Variants in NEURL4 observed in about 807,000 individuals in gnomAD.
NEURL4 encodes neuralized E3 ubiquitin protein ligase 4, also known as neuralized-like protein 4.
A neutral mutation model predicts 148.0 loss-of-function variants in NEURL4; 45 were observed. The observed-to-expected ratio is 0.30, with a 90% CI of 0.24 to 0.39. The LOEUF is 0.39. NEURL4 is among the 10% of genes least tolerant of loss of function. NEURL4 has a pLI of 1.00. For synonymous variants in NEURL4, 854 were observed against 869.0 expected (o/e 0.98, Z 0.30); for missense variants, 1,776 against 2,144.0 (o/e 0.83, Z 3.39).
chr17:7,327,067 C>G lies in NEURL4; in HGVS notation c.794-58G>C, dbSNP rs371354550. 125 of 1,600,178 alleles carry G rather than the reference C, an allele frequency of 7.8e-5. 1 individual carries two copies. The South Asian group carries it at 1.2e-3, about 16-fold the overall frequency. ...AAGTTGGGATGAGGCTCTACACCCCCAGACCTGGTGCCTCTCTCCCTACCC... is the reference window on the plus strand; with the variant it reads ...AAGTTGGGATGAGGCTCTACACCCCGAGACCTGGTGCCTCTCTCCCTACCC... On this transcript the variant is annotated intron_variant, in intron 3 of 28. Transcript: ENST00000399464. The surrounding 1 kb of genome is among the most constrained non-coding windows in gnomAD (Gnocchi z 6.6).
At chr17:7,320,173 C>T (rs2073011520) in intron 21 of NEURL4, among the ~76,000 whole-genome samples, 1 of 151,444 alleles carries the variant, frequency 6.6e-6, no homozygotes, top group African/African-American at 2.4e-5. Flanking sequence ...TGCTCTATCT[C>T]CCAGGCTAGA....
chr17:7,324,069 C>G lies in NEURL4; in HGVS notation c.2062+39G>C, dbSNP rs751508453. On this transcript the variant is annotated intron_variant, in intron 11 of 28. Coordinates refer to ENST00000399464, the MANE Select transcript of NEURL4 (RefSeq NM_032442.3). The surrounding 1 kb of genome is among the most constrained non-coding windows in gnomAD (Gnocchi z 5.9). ...TAGGTGTCTCTCAGACCTCCCAAGG[C>G]CACCCTAACCCCCAGCCCCAGCCCA... 1.9e-6 allele frequency: 3 copies of G among 1,609,486 alleles called. No individual in the cohort carries two copies. Among genetic ancestry groups the G allele is most frequent in the Non-Finnish European group, 2.5e-6 (3 of 1,179,472 alleles).
In NEURL4 at chr17:7,316,290, G is replaced by C; in HGVS notation, c.4522C>G (p.Gln1508Glu). The change falls in exon 29 of 29, where the codon CAG becomes GAG. Residue 1508 changes from glutamine (Q) to glutamate (E), a missense_variant. Physicochemically the swap from Gln to Glu is conservative, Grantham distance 29. Transcript: ENST00000399464. ...CGCACACACACCTGGAACGCCACCT[G>C]AGCCTGGTGCGTCCGCTGGGATTTG... is the stretch of plus-strand genomic sequence containing the variant. The part of the protein sequence containing the change: ...DPKSQRTHQA[Q>E]VAFQVCVRPG... 6.2e-7 allele frequency: 1 copy of C among 1,613,242 alleles called. No homozygotes were observed. The highest frequency in any genetic ancestry group is 8.5e-7 in the Non-Finnish European group (1 of 1,180,014).
Position 7,322,094 on chromosome 17 carries a change from A to G in NEURL4, c.2726-84T>C. ...ACACAGAGCAAAGCTTTCAGATGAA[A>G]CGAAATGGGGATGCCAACGCCCCAT... On this transcript the variant is annotated intron_variant, in intron 16 of 28. Coordinates refer to ENST00000399464, the MANE Select transcript of NEURL4 (RefSeq NM_032442.3). The surrounding 1 kb of genome is among the most constrained non-coding windows in gnomAD (Gnocchi z 5.5). The G allele has an allele frequency of 3.4e-6, 5 of 1,478,714 alleles. No homozygotes were observed. Among genetic ancestry groups the G allele is most frequent in the Non-Finnish European group, 4.5e-6 (5 of 1,109,382 alleles). The allele number at this position is 1,478,714 out of a possible 1,614,324, so 91.6% of individuals were successfully genotyped here. A position where few individuals can be genotyped will look rare whatever the true frequency, so the allele number is the denominator to read the frequency against.
chr17:7,319,374 CTTTT>C (rs374281551), intron 21 of NEURL4, among the ~76,000 whole-genome samples, 166 bp from the exon 22 acceptor site: 3,490 of 113,426 alleles, frequency 0.031, 67 homozygotes, highest in Admixed American at 0.048. Context: ...TTCTTTCCCT[CTTTT>C]TTTTTTTTTT....
In NEURL4 at chr17:7,318,850, A is replaced by G; in HGVS notation, c.3685-176T>C. 1.1e-6 allele frequency: 1 copy of G among 911,152 alleles called. No homozygotes were observed. Among genetic ancestry groups the G allele is most frequent in the Non-Finnish European group, 1.6e-6 (1 of 613,396 alleles). The allele number at this position is 911,152 out of a possible 1,614,324, so 56.4% of individuals were successfully genotyped here. ...CCCTCCCCTTCCCCAAAACTGGCAC[A>G]TTCTCAATGGCAGGGACACCGCAGG... On this transcript the variant is annotated intron_variant, in intron 22 of 28. Coordinates refer to ENST00000399464, the MANE Select transcript of NEURL4 (RefSeq NM_032442.3). This position sits in a 1 kb window ranked among gnomAD's most constrained non-coding sequence, Gnocchi z 4.3.
rs777771840 is a variant in NEURL4, at chr17:7,326,731, G to A, written c.1072C>T (p.Arg358Trp). ...CACACCTCAAACATCTCATTGTCCCGAAGGGGGCGATTGGTCATGACAACC... is the reference window on the plus strand; with the variant it reads ...CACACCTCAAACATCTCATTGTCCCAAAGGGGGCGATTGGTCATGACAACC... ...NGVVMTNRPL[R>W]DNEMFEIRID... Residue 358 changes from arginine (R) to tryptophan (W), a missense_variant, in exon 4 of 29, where the codon CGG (arginine) becomes TGG (tryptophan). Coordinates refer to ENST00000399464, the MANE Select transcript of NEURL4 (RefSeq NM_032442.3). This position sits in a 1 kb window ranked among gnomAD's most constrained non-coding sequence, Gnocchi z 6.0. The A allele has an allele frequency of 5.6e-6, 9 of 1,611,398 alleles. No individual in the cohort carries two copies. The highest frequency in any genetic ancestry group is 1.7e-5 in the Admixed American group (1 of 59,128).
rs2072987155 is a variant in NEURL4, at chr17:7,318,768, T to A, written c.3685-94A>T. The stretch of plus-strand genomic sequence containing the variant: ...TGCTTCCTTTTGCCAGTGCCTTGGC[T>A]TTGCCTCCATGCTTGCCCACTGCCG... On this transcript the variant is annotated intron_variant, in intron 22 of 28. Transcript: ENST00000399464. This position sits in a 1 kb window ranked among gnomAD's most constrained non-coding sequence, Gnocchi z 4.3. 2 of 1,363,366 alleles carry A rather than the reference T, an allele frequency of 1.5e-6. No individual in the cohort carries two copies. Among genetic ancestry groups the A allele is most frequent in the Admixed American group, 2.4e-5 (1 of 41,618 alleles). The allele number at this position is 1,363,366 out of a possible 1,614,324, so 84.5% of individuals were successfully genotyped here.
Position 7,323,875 on chromosome 17 carries a change from G to T in NEURL4, c.2200C>A (p.Arg734Ser). 1 of 1,613,978 alleles carries T rather than the reference G, an allele frequency of 6.2e-7. No homozygotes were observed. The highest frequency in any genetic ancestry group is 8.5e-7 in the Non-Finnish European group (1 of 1,180,032). ...GSNAVITNGG[R>S]TALRHNCRSE... ...CGACAGTTGTGGCGGAGGGCGGTGC[G>T]GCCCCCGTTAGTGATGACTGCGTTA... Residue 734 changes from arginine to serine, a missense_variant, in exon 12 of 29, where the codon CGC becomes AGC. By Grantham distance (110) the Arg-to-Ser change is moderately radical. Coordinates refer to ENST00000399464, the MANE Select transcript of NEURL4 (RefSeq NM_032442.3).
Position 7,321,059 on chromosome 17 carries a change from G to A in NEURL4, c.3360+53C>T, listed in dbSNP as rs2073025887. On this transcript the variant is annotated intron_variant, in intron 20 of 28. Transcript: ENST00000399464. The surrounding 1 kb of genome is among the most constrained non-coding windows in gnomAD (Gnocchi z 6.3). Reference sequence around the variant, plus strand: ...ACCCAGAAAAGGCCTGGCATCCAACGGCCCAGCAACTGCCCATCCATGTGC... The same window carrying A: ...ACCCAGAAAAGGCCTGGCATCCAACAGCCCAGCAACTGCCCATCCATGTGC... 8 of 1,598,748 alleles carry A rather than the reference G, an allele frequency of 5.0e-6. No homozygotes were observed. The highest frequency in any genetic ancestry group is 6.8e-6 in the Non-Finnish European group (8 of 1,170,426).
chr17:7,327,273 C>T lies in NEURL4; in HGVS notation c.728-43G>A. 1 of 1,550,826 alleles carries T rather than the reference C, an allele frequency of 6.4e-7. No homozygotes were observed. The highest frequency in any genetic ancestry group is 8.7e-7 in the Non-Finnish European group (1 of 1,148,922). ...TGGGAGGGGAATAAGGGTTCAGTCC[C>T]TGCTTCACGGCCCATAGCCAGGAGA... On this transcript the variant is annotated intron_variant, in intron 2 of 28. Transcript: ENST00000399464. This position sits in a 1 kb window ranked among gnomAD's most constrained non-coding sequence, Gnocchi z 6.6.
chr17:7,324,710 GA>G lies in NEURL4; in HGVS notation c.1813+88del. On this transcript the variant is annotated intron_variant, in intron 9 of 28. Transcript: ENST00000399464. The surrounding 1 kb of genome is among the most constrained non-coding windows in gnomAD (Gnocchi z 5.9). ...ATGAGTGGTCACAAGAGTGACAAGT[GA>G]AAAAGGAGCTGCAGAACAAGTGCCA... 7 of 1,429,786 alleles carry G rather than the reference GA, an allele frequency of 4.9e-6. No homozygotes were observed. The highest frequency in any genetic ancestry group is 1.4e-5 in the African/African-American group (1 of 71,406). The allele number at this position is 1,429,786 out of a possible 1,614,324, so 88.6% of individuals were successfully genotyped here.
rs186032429 is a variant in NEURL4 at position 7,317,150 on chromosome 17, G to C, written c.4484+55C>G. ...CATGAAGACCCCAGTGGCTGCGCTT[G>C]GGCCCTCTCCATCCGAGCCCCTGGA... On this transcript the variant is annotated intron_variant, in intron 28 of 28. Coordinates refer to ENST00000399464, the MANE Select transcript of NEURL4 (RefSeq NM_032442.3). 8.7e-3 allele frequency: 11,584 copies of C among 1,330,174 alleles called. 76 individuals carry two copies. Among genetic ancestry groups the C allele is most frequent in the Non-Finnish European group, 0.011 (10,457 of 995,442 alleles). 82.4% of individuals were successfully genotyped at this position (1,330,174 alleles called of 1,614,324 possible).
In NEURL4 at chr17:7,321,729, G is replaced by C. The variant is rs2073036996; in HGVS notation, c.2930C>G (p.Thr977Arg). The change falls in exon 18 of 29, where the codon ACA becomes AGA. Residue 977 changes from threonine (T) to arginine (R), a missense_variant. Coordinates refer to ENST00000399464, the MANE Select transcript of NEURL4 (RefSeq NM_032442.3). The surrounding 1 kb of genome is among the most constrained non-coding windows in gnomAD (Gnocchi z 6.3). ...GGGTCCCATCTCCCCCGGTGCTAGTGTGGTCAGCCCCAGCCGCAGGGAACC... is the reference window on the plus strand; with the variant it reads ...GGGTCCCATCTCCCCCGGTGCTAGTCTGGTCAGCCCCAGCCGCAGGGAACC... ...WAGSLRLGLT[T>R]LAPGEMGPGA... 4 of 1,613,566 alleles carry C rather than the reference G, an allele frequency of 2.5e-6. No homozygotes were observed. Among genetic ancestry groups the C allele is most frequent in the Non-Finnish European group, 3.4e-6 (4 of 1,180,056 alleles).
In NEURL4 at chr17:7,326,360, A is replaced by C. The variant is rs1480602439; in HGVS notation, c.1205-17T>G. 1 of 1,613,968 alleles carries C rather than the reference A, an allele frequency of 6.2e-7. No individual in the cohort carries two copies. The highest frequency in any genetic ancestry group is 1.3e-5 in the African/African-American group (1 of 74,896). On this transcript the variant is annotated splice_polypyrimidine_tract_variant and intron_variant, in intron 5 of 28. Coordinates refer to ENST00000399464, the MANE Select transcript of NEURL4 (RefSeq NM_032442.3). The surrounding 1 kb of genome is among the most constrained non-coding windows in gnomAD (Gnocchi z 6.0). The stretch of plus-strand genomic sequence containing the variant: ...TGATGGTGCCTGGGTGATAGTGGAC[A>C]CTTGGGTTCGGGTACGGGGCTTCCT...
At position 7,318,557 on chromosome 17, in the gene NEURL4, C is replaced by T; in HGVS notation, c.3802G>A (p.Ala1268Thr). ...LHVNGVDQGV[A>T]VPDVPQPCHA... ...CAGGGCTGGGGCACATCTGGCACAG[C>T]TACCCCCTGGTCCACCCCATTAACA... Residue 1268 changes from alanine to threonine, a missense_variant, in exon 23 of 29, where the codon GCT becomes ACT. Physicochemically the swap from Ala to Thr is moderately conservative, Grantham distance 58. Coordinates refer to ENST00000399464, the MANE Select transcript of NEURL4 (RefSeq NM_032442.3). The surrounding 1 kb of genome is among the most constrained non-coding windows in gnomAD (Gnocchi z 4.3). The T allele has an allele frequency of 6.2e-7, 1 of 1,613,622 alleles. No individual in the cohort carries two copies. Among genetic ancestry groups the T allele is most frequent in the Non-Finnish European group, 8.5e-7 (1 of 1,179,782 alleles).
At position 7,321,720 on chromosome 17, in the gene NEURL4, G is replaced by A. The variant is rs371640445; in HGVS notation, c.2939C>T (p.Pro980Leu). The A allele has an allele frequency of 1.4e-5, 23 of 1,613,536 alleles. No individual in the cohort carries two copies. The highest frequency in any genetic ancestry group is 6.7e-5 in the Admixed American group (4 of 60,006). ...GCCTGCCCCGGGTCCCATCTCCCCCGGTGCTAGTGTGGTCAGCCCCAGCCG... is the reference window on the plus strand; with the variant it reads ...GCCTGCCCCGGGTCCCATCTCCCCCAGTGCTAGTGTGGTCAGCCCCAGCCG... ...SLRLGLTTLA[P>L]GEMGPGAGGG... Residue 980 changes from proline (P) to leucine (L), a missense_variant, in exon 18 of 29, where the codon CCG (proline) becomes CTG (leucine). Pro to Leu is a moderately conservative substitution (Grantham distance 98, BLOSUM62 -3). Coordinates refer to ENST00000399464, the MANE Select transcript of NEURL4 (RefSeq NM_032442.3). The surrounding 1 kb of genome is among the most constrained non-coding windows in gnomAD (Gnocchi z 6.3).
In NEURL4 at chr17:7,320,888, G is replaced by A. The variant is rs2073023193; in HGVS notation, c.3396C>T (p.Leu1132=). The change falls in exon 21 of 29, where the codon CTC becomes CTT. Residue 1132 remains leucine, a synonymous_variant. Coordinates refer to ENST00000399464, the MANE Select transcript of NEURL4 (RefSeq NM_032442.3). The part of the protein sequence containing the change: ...QNEVGIIPTT[L]EFLENHGKNI... ...TCTTCCCATGGTTCTCCAGGAACTC[G>A]AGGGTGGTGGGTATAATACCCACTT... 1.9e-6 allele frequency: 3 copies of A among 1,614,078 alleles called. No individual in the cohort carries two copies. Among genetic ancestry groups the A allele is most frequent in the South Asian group, 1.1e-5 (1 of 91,064 alleles).
At position 7,321,361 on chromosome 17, in the gene NEURL4, C is replaced by T; in HGVS notation, c.3198G>A (p.Lys1066=). 1 of 1,614,124 alleles carries T rather than the reference C, an allele frequency of 6.2e-7. No homozygotes were observed. Among genetic ancestry groups the T allele is most frequent in the Non-Finnish European group, 8.5e-7 (1 of 1,180,016 alleles). The change falls in exon 19 of 29, where the codon AAG becomes AAA. Residue 1066 remains lysine, a splice_region_variant and synonymous_variant. Coordinates refer to ENST00000399464, the MANE Select transcript of NEURL4 (RefSeq NM_032442.3). This position sits in a 1 kb window ranked among gnomAD's most constrained non-coding sequence, Gnocchi z 6.3. The part of the protein sequence containing the change: ...DMGPAATGIA[K]NVWAVLDLYG... ...AACCCAAGGAAGCGTTCAGGTCTAC[C>T]TTGGCAATGCCAGTGGCTGCAGGCC...
Sources: allele counts gnomAD v4.1 joint callset (sites outside exome capture counted in the v4.1 genomes callset), GRCh38; gene constraint gnomAD v4.1.1; non-coding constraint Gnocchi (gnomAD v3.1); transcripts MANE v1.5; gene names NCBI Gene and HGNC (gene_info 2026-07-23, HGNC 2026-07-21).